Variants in IL1RAPL2 observed in about 807,000 individuals in gnomAD.
The protein encoded by IL1RAPL2 is X-linked interleukin-1 receptor accessory protein-like 2.
Under a neutral mutation model 44.1 loss-of-function variants are expected in IL1RAPL2, and 3 were observed. That is an observed-to-expected ratio of 0.07 (90% CI 0.03 to 0.18). IL1RAPL2 has a LOEUF of 0.18. Ranked by LOEUF, IL1RAPL2 falls within the 10% of genes least tolerant of loss-of-function variation. The pLI is 1.00. For synonymous variants in IL1RAPL2, 181 were observed against 178.8 expected (o/e 1.01, Z -0.10); for missense variants, 391 against 496.4 (o/e 0.79, Z 2.02).
At chrX:104,996,871 C>T (rs2030757935) in intron 2 of IL1RAPL2, among the ~76,000 whole-genome samples, 1 of 111,247 alleles carries the variant, frequency 9.0e-6, no homozygotes. Context: ...TATGCTGAGA[C>T]ATAAATTATA....
chrX:104,777,905 T>C (rs1176567499), intron 2 of IL1RAPL2, among the ~76,000 whole-genome samples: 3 of 111,340 alleles, frequency 2.7e-5, no homozygotes, highest in Non-Finnish European at 5.6e-5. Flanking sequence ...CTGCATCATA[T>C]GGTAATTCTA....
intron 2 of IL1RAPL2, among the ~76,000 whole-genome samples, chrX:104,838,801 C>G (rs1921813670): frequency 9.4e-6 from 1 of 106,255 alleles, no homozygotes; most frequent in Non-Finnish European, 1.9e-5. Context: ...TGTCTTCTGC[C>G]TCTTTTCTCT....
intron 6 of IL1RAPL2, among the ~76,000 whole-genome samples, chrX:105,706,843 A>T (rs1316194010): frequency 1.8e-5 from 2 of 111,569 alleles, no homozygotes; most frequent in Non-Finnish European, 3.8e-5. Flanking sequence ...AACTGCAATA[A>T]TTAGCTTTAA....
intron 2 of IL1RAPL2, among the ~76,000 whole-genome samples, chrX:104,669,916 A>G (rs1406246270): frequency 8.9e-6 from 1 of 111,921 alleles, no homozygotes; most frequent in Non-Finnish European, 1.9e-5. Flanking sequence ...GCCAGAATAT[A>G]TGGTGTGACT....
chrX:104,936,091 T>C (rs1339424579), intron 2 of IL1RAPL2, among the ~76,000 whole-genome samples: 1 of 111,924 alleles, frequency 8.9e-6, no homozygotes, highest in Non-Finnish European at 1.9e-5. Context: ...AATGTTGTGT[T>C]GTACATTCAT....
At chrX:105,342,851 C>T (rs975701551) in intron 5 of IL1RAPL2, among the ~76,000 whole-genome samples, 27 of 110,990 alleles carry the variant, frequency 2.4e-4, no homozygotes, top group Non-Finnish European at 1.5e-4. Context: ...GTCAGGAGGC[C>T]CTGGCAATTT....
chrX:105,666,726 G>A (rs980477126), intron 6 of IL1RAPL2, among the ~76,000 whole-genome samples: 16 of 111,810 alleles, frequency 1.4e-4, no homozygotes, highest in South Asian at 7.5e-4. Flanking sequence ...TAGAAGAGCC[G>A]TGGCAAGATG....
chrX:105,447,075 T>TATA (rs2035960310), intron 5 of IL1RAPL2, among the ~76,000 whole-genome samples: 2 of 16,878 alleles, frequency 1.2e-4, no homozygotes, highest in African/African-American at 7.6e-4. Context: ...CTGGTTAAAA[T>TATA]TATATATATA....
At chrX:104,863,875 T>C (rs982087222) in intron 2 of IL1RAPL2, among the ~76,000 whole-genome samples, 1 of 112,337 alleles carries the variant, frequency 8.9e-6, no homozygotes, top group African/African-American at 3.2e-5. Flanking sequence ...TTGAGTTGAA[T>C]GATGATGTCA....
chrX:105,349,336 A>G (rs1368330036), intron 5 of IL1RAPL2, among the ~76,000 whole-genome samples: 1 of 112,285 alleles, frequency 8.9e-6, no homozygotes, highest in East Asian at 2.8e-4. Flanking sequence ...TTCTAGGTCC[A>G]CAGGCCTTGT....
chrX:105,309,760 T>G (rs986739486), intron 5 of IL1RAPL2, among the ~76,000 whole-genome samples: 2 of 110,929 alleles, frequency 1.8e-5, no homozygotes, highest in African/African-American at 6.6e-5. Flanking sequence ...TTTTTAAAAT[T>G]TTGGGGGTTT....
At chrX:105,333,004 GA>G (rs2034999007) in intron 5 of IL1RAPL2, among the ~76,000 whole-genome samples, 1 of 111,043 alleles carries the variant, frequency 9.0e-6, no homozygotes, top group African/African-American at 3.3e-5. Context: ...CACAGAAATA[GA>G]AAAAAAGTAC....
chrX:104,979,524 C>T (rs752057543), intron 2 of IL1RAPL2, among the ~76,000 whole-genome samples: 78 of 111,373 alleles, frequency 7.0e-4, no homozygotes, highest in Admixed American at 5.4e-3. Context: ...CAATACATGA[C>T]AGATAAAAGT....
At chrX:105,055,149 A>G (rs1243721457) in intron 2 of IL1RAPL2, among the ~76,000 whole-genome samples, 4 of 111,997 alleles carry the variant, frequency 3.6e-5, no homozygotes, top group Non-Finnish European at 7.5e-5. Context: ...GTTGAGATCA[A>G]GGCACTGGCA....
At chrX:105,330,067 T>G (rs1458003468) in intron 5 of IL1RAPL2, among the ~76,000 whole-genome samples, 1 of 111,103 alleles carries the variant, frequency 9.0e-6, no homozygotes, top group Non-Finnish European at 1.9e-5. Context: ...TAATGCAGAA[T>G]TTTATGACTC....
At chrX:104,608,128 G>A (rs1168591257) in intron 1 of IL1RAPL2, among the ~76,000 whole-genome samples, 1 of 110,099 alleles carries the variant, frequency 9.1e-6, no homozygotes, top group Non-Finnish European at 1.9e-5. Flanking sequence ...CTATCGCAAG[G>A]ACAGAAAACC....
At chrX:104,808,982 C>G (rs1248690334) in intron 2 of IL1RAPL2, among the ~76,000 whole-genome samples, 1 of 111,506 alleles carries the variant, frequency 9.0e-6, no homozygotes, top group Non-Finnish European at 1.9e-5. Context: ...TACTTGAGGT[C>G]CCTCATTTTA....
At chrX:105,245,454 G>T (rs944613574) in intron 4 of IL1RAPL2, among the ~76,000 whole-genome samples, 1 of 111,696 alleles carries the variant, frequency 9.0e-6, no homozygotes. Flanking sequence ...GGAATACAAA[G>T]GATATGTGTA....
At chrX:105,432,613 T>C in intron 5 of IL1RAPL2, among the ~76,000 whole-genome samples, 1 of 111,496 alleles carries the variant, frequency 9.0e-6, no homozygotes, top group East Asian at 2.8e-4. Flanking sequence ...AATCAGGCTC[T>C]GATAAGAATG....
Sources: gnomAD v4.1 joint callset for allele counts (sites outside exome capture counted in the v4.1 genomes callset) on GRCh38, gnomAD v4.1.1 for gene constraint, MANE v1.5 for transcripts, NCBI Gene and HGNC (gene_info 2026-07-23, HGNC 2026-07-21) for gene names.